LRRTM4: variants seen among roughly 807,000 people sequenced by gnomAD.
LRRTM4 encodes the protein leucine rich repeat transmembrane neuronal 4, also known as leucine-rich repeat transmembrane neuronal protein 4.
LRRTM4 carries 25 observed loss-of-function variants against 47.6 expected under a neutral mutation model. That is an observed-to-expected ratio of 0.53 (90% CI 0.38 to 0.73). LRRTM4 has a LOEUF of 0.73. Ranked by LOEUF, LRRTM4 falls within the 30% of genes least tolerant of loss-of-function variation. The pLI, the probability that LRRTM4 is intolerant of heterozygous loss-of-function variation, is 0.00. For missense variants in LRRTM4, 638 were observed against 713.4 expected, an observed-to-expected ratio of 0.89 and a Z score of 1.20; for synonymous variants, 311 against 269.5, an observed-to-expected ratio of 1.15 and a Z score of -1.51.
chr2:77,361,391 C>T lies in LRRTM4; in HGVS notation c.1551+156927G>A, dbSNP rs115812598. Among the ~76,000 whole-genome samples, 395 of 152,186 alleles carry T rather than the reference C, an allele frequency of 2.6e-3. 2 individuals are homozygous for T. The highest frequency in any genetic ancestry group is 8.3e-3 in the African/African-American group (343 of 41,522). Reference sequence around the variant, plus strand: ...ACTCTACCCCTTTTTAAAACTTTTCCTTCCTGTTGCTTTCTAAGACATTGT... The same window carrying T: ...ACTCTACCCCTTTTTAAAACTTTTCTTTCCTGTTGCTTTCTAAGACATTGT... On this transcript the variant is annotated intron_variant, in intron 3 of 3. Transcript: ENST00000409884.
intron 3 of LRRTM4, among the ~76,000 whole-genome samples, chr2:76,895,090 T>C (rs2103725152): frequency 6.6e-6 from 1 of 152,058 alleles, no homozygotes; most frequent in Middle Eastern, 3.4e-3. Flanking sequence ...TAAAAGACAA[T>C]CTTAGTAGAA....
chr2:77,158,481 C>G (rs1412695320), intron 3 of LRRTM4, among the ~76,000 whole-genome samples: 1 of 152,124 alleles, frequency 6.6e-6, no homozygotes, highest in Admixed American at 6.5e-5. Flanking sequence ...TTGTATCAAA[C>G]AGTGACAGCA....
chr2:76,849,616 A>G (rs1671933376), intron 3 of LRRTM4, among the ~76,000 whole-genome samples: 1 of 152,090 alleles, frequency 6.6e-6, no homozygotes, highest in Non-Finnish European at 1.5e-5. Flanking sequence ...GCTTAATAAA[A>G]AAACAACTCT....
intron 3 of LRRTM4, among the ~76,000 whole-genome samples, chr2:77,138,736 A>G (rs549512439): frequency 6.6e-6 from 1 of 152,270 alleles, no homozygotes; most frequent in Admixed American, 6.5e-5. Flanking sequence ...CAAGACTAAT[A>G]AAGAAGAAAA....
At chr2:77,414,279 AGAT>A (rs1225155384) in intron 3 of LRRTM4, among the ~76,000 whole-genome samples, 1 of 152,186 alleles carries the variant, frequency 6.6e-6, no homozygotes, top group African/African-American at 2.4e-5. Context: ...GAGAAAACAA[AGAT>A]GAGTAAGCCA....
intron 3 of LRRTM4, among the ~76,000 whole-genome samples, chr2:77,004,088 A>T (rs559385006): frequency 5.9e-5 from 9 of 152,282 alleles, no homozygotes; most frequent in African/African-American, 2.2e-4. Flanking sequence ...GTTCAAGAGG[A>T]AGTAGAGCAT....
intron 3 of LRRTM4, among the ~76,000 whole-genome samples, chr2:76,770,428 T>C (rs1369588309): frequency 6.6e-6 from 1 of 152,206 alleles, no homozygotes; most frequent in African/African-American, 2.4e-5. Flanking sequence ...GGAACTGCTT[T>C]CTGGAGTAGT....
At chr2:76,786,762 AAAATGCATCATTTTCTTGGTTGAC>A (rs1449352180) in intron 3 of LRRTM4, among the ~76,000 whole-genome samples, 7 of 152,262 alleles carry the variant, frequency 4.6e-5, no homozygotes, top group African/African-American at 1.7e-4. Flanking sequence ...GCAGAAAAAA[AAAATGCATCATTTTCTTGGTTGAC>A]AAACCAAAAA....
At chr2:76,911,322 T>G (rs1443431508) in intron 3 of LRRTM4, among the ~76,000 whole-genome samples, 2 of 152,200 alleles carry the variant, frequency 1.3e-5, no homozygotes, top group East Asian at 1.9e-4. Flanking sequence ...TCACAATTAT[T>G]TCTTTTAAGT....
chr2:77,502,615 C>T (rs1573501386), intron 3 of LRRTM4, among the ~76,000 whole-genome samples: 2 of 151,468 alleles, frequency 1.3e-5, no homozygotes, highest in African/African-American at 4.8e-5. Flanking sequence ...GTATACAAGA[C>T]ATGGAGTGAG....
At chr2:76,976,769 G>A (rs1676431392) in intron 3 of LRRTM4, among the ~76,000 whole-genome samples, 1 of 151,820 alleles carries the variant, frequency 6.6e-6, no homozygotes, top group Non-Finnish European at 1.5e-5. Context: ...CTAGTGTTCT[G>A]TAGCACTGTA....
At chr2:76,816,819 G>GTTTTTTTTTTTTTTTTT (rs201525166) in intron 3 of LRRTM4, among the ~76,000 whole-genome samples, 19 of 96,558 alleles carry the variant, frequency 2.0e-4, no homozygotes, top group Non-Finnish European at 2.5e-4. Flanking sequence ...GAGGTAAAGA[G>GTTTTTTTTTTTTTTTTT]TTTTTTTTTT....
At chr2:77,235,222 A>G (rs1247930044) in intron 3 of LRRTM4, among the ~76,000 whole-genome samples, 1 of 152,036 alleles carries the variant, frequency 6.6e-6, no homozygotes, top group Admixed American at 6.6e-5. Context: ...GTTTTTTACT[A>G]TAATAATACC....
chr2:76,761,610 A>T (rs1673256705), intron 3 of LRRTM4, among the ~76,000 whole-genome samples: 3 of 152,210 alleles, frequency 2.0e-5, no homozygotes, highest in East Asian at 3.9e-4. Flanking sequence ...TCTTTTTGTA[A>T]GTAATTTAAT....
intron 3 of LRRTM4, among the ~76,000 whole-genome samples, chr2:77,221,174 C>T (rs1490699867): frequency 6.6e-6 from 1 of 152,084 alleles, no homozygotes; most frequent in African/African-American, 2.4e-5. Flanking sequence ...TTGTCACCAC[C>T]AGGCCTGCCC....
intron 3 of LRRTM4, among the ~76,000 whole-genome samples, chr2:77,145,455 T>A (rs770824238): frequency 1.3e-5 from 2 of 151,780 alleles, no homozygotes; most frequent in Non-Finnish European, 2.9e-5. Context: ...AATCTTCTAG[T>A]CATTGGAGTT....
chr2:77,127,722 G>T (rs1422132235), intron 3 of LRRTM4, among the ~76,000 whole-genome samples: 2 of 152,160 alleles, frequency 1.3e-5, no homozygotes, highest in African/African-American at 4.8e-5. Flanking sequence ...AAAAACACAT[G>T]CATGGTCTTG....
intron 3 of LRRTM4, among the ~76,000 whole-genome samples, chr2:77,457,415 T>C (rs911920690): frequency 1.3e-5 from 2 of 151,928 alleles, no homozygotes; most frequent in African/African-American, 2.4e-5. Flanking sequence ...TTCAATTATC[T>C]ATCTACACCT....
At chr2:76,961,099 T>TGAG in intron 3 of LRRTM4, among the ~76,000 whole-genome samples, 1 of 151,560 alleles carries the variant, frequency 6.6e-6, no homozygotes, top group South Asian at 2.1e-4. Context: ...TTCATTTTTA[T>TGAG]TTATTACAAC....
Sources: gnomAD v4.1 joint callset for allele counts (sites outside exome capture counted in the v4.1 genomes callset) on GRCh38, gnomAD v4.1.1 for gene constraint, MANE v1.5 for transcripts, NCBI Gene and HGNC (gene_info 2026-07-23, HGNC 2026-07-21) for gene names.